The following ZNF407 variants were observed in gnomAD, a reference collection of about 807,000 sequenced individuals.
ZNF407 encodes the protein zinc finger protein 407.
In ZNF407, 17 loss-of-function variants were observed where a neutral mutation model predicts 131.2. The ratio of observed to expected loss-of-function variants is 0.13; its 90% confidence interval spans 0.09 to 0.19. The LOEUF is 0.19. ZNF407 is among the 10% of genes least tolerant of loss of function. The pLI is 1.00. For missense variants in ZNF407, 2,681 were observed against 2,830.6 expected (o/e 0.95, Z 1.20); for synonymous variants, 1,156 against 1,062.0 (o/e 1.09, Z -1.72).
At chr18:74,711,894 G>T (rs1396565562) in intron 3 of ZNF407, among the ~76,000 whole-genome samples, 1 of 151,958 alleles carries the variant, frequency 6.6e-6, no homozygotes, top group Admixed American at 6.6e-5. Context: ...TTTTTTTAGT[G>T]GAGAGGGATT....
rs1401362134 is a variant in ZNF407 at position 74,636,000 on chromosome 18, T to C, written c.4687+294T>C. On this transcript the variant is annotated intron_variant, in intron 2 of 8. Transcript: ENST00000299687. The surrounding 1 kb of genome is among the most constrained non-coding windows in gnomAD (Gnocchi z 4.7). ...CTGCTGTCTGTTGGCGGCTTTTCAG[T>C]TGTTTCTGAGTCCTAATTATTTGAT... 2.0e-5 allele frequency among the ~76,000 whole-genome samples: 3 copies of C among 152,196 alleles called. No homozygotes were observed. Among genetic ancestry groups the C allele is most frequent in the Non-Finnish European group, 4.4e-5 (3 of 68,028 alleles).
chr18:74,852,205 ACGCACGCGCACGCG>A (rs1568241584), intron 4 of ZNF407, among the ~76,000 whole-genome samples: 30 of 149,734 alleles, frequency 2.0e-4, no homozygotes, highest in Admixed American at 4.6e-4. Flanking sequence ...ACACGCACGC[ACGCACGCGCACGCG>A]CGCGCGCATT....
intron 3 of ZNF407, among the ~76,000 whole-genome samples, chr18:74,676,669 C>T (rs917855194): frequency 2.3e-4 from 35 of 151,798 alleles, no homozygotes; most frequent in East Asian, 3.9e-4. Context: ...CTCCTGACCT[C>T]GTGATCTGCC....
chr18:75,005,636 G>A (rs1235913400), intron 8 of ZNF407, among the ~76,000 whole-genome samples: 1 of 151,688 alleles, frequency 6.6e-6, no homozygotes, highest in Admixed American at 6.6e-5. Flanking sequence ...GCTACAGAAA[G>A]CAGAATTTGT....
intron 3 of ZNF407, among the ~76,000 whole-genome samples, chr18:74,741,071 A>G (rs967224540): frequency 5.3e-5 from 8 of 152,334 alleles, no homozygotes; most frequent in South Asian, 4.1e-4. Flanking sequence ...ATTGATGGTC[A>G]AGTGATGTCA....
At chr18:74,863,595 T>C (rs1970968391) in intron 4 of ZNF407, among the ~76,000 whole-genome samples, 9 of 152,214 alleles carry the variant, frequency 5.9e-5, no homozygotes, top group Admixed American at 5.9e-4. Context: ...CTAGATTTTA[T>C]GAAAGGAAAA....
rs2144659793 is a variant in ZNF407, at chr18:74,631,061, A to G, written c.42A>G (p.Glu14=). The change falls in exon 2 of 9, where the codon GAA becomes GAG. Residue 14 remains glutamate, a synonymous_variant. Transcript: ENST00000299687. ...SENKPENDED[E]KINKEAQDLT... ...ATAAACCCGAAAATGATGAGGATGA[A>G]AAGATAAACAAAGAAGCACAAGACT... is the stretch of plus-strand genomic sequence containing the variant. The G allele has an allele frequency of 1.2e-6, 2 of 1,612,022 alleles. No individual in the cohort carries two copies. Among genetic ancestry groups the G allele is most frequent in the South Asian group, 2.2e-5 (2 of 90,656 alleles).
chr18:74,707,707 C>T (rs958029077), intron 3 of ZNF407, among the ~76,000 whole-genome samples: 12 of 152,198 alleles, frequency 7.9e-5, no homozygotes, highest in African/African-American at 2.9e-4. Context: ...TAGTCTTATA[C>T]TTTAAGCACT....
intron 3 of ZNF407, among the ~76,000 whole-genome samples, chr18:74,661,850 G>A (rs935797594): frequency 2.0e-5 from 3 of 152,040 alleles, no homozygotes; most frequent in African/African-American, 7.2e-5. Flanking sequence ...AGAGTGCTGC[G>A]GCCATTTTGA....
At chr18:74,785,118 C>G (rs1354437675) in intron 4 of ZNF407, among the ~76,000 whole-genome samples, 1 of 152,134 alleles carries the variant, frequency 6.6e-6, no homozygotes, top group Non-Finnish European at 1.5e-5. Flanking sequence ...AAAGTATAAG[C>G]GTTAAATAAT....
intron 7 of ZNF407, among the ~76,000 whole-genome samples, chr18:74,892,882 C>G (rs1450068899): frequency 2.0e-5 from 3 of 152,036 alleles, no homozygotes; most frequent in Non-Finnish European, 4.4e-5. Flanking sequence ...TGTGCATGTT[C>G]CAGATTTTTT....
intron 4 of ZNF407, among the ~76,000 whole-genome samples, chr18:74,839,245 T>G (rs916931303): frequency 2.0e-5 from 3 of 152,216 alleles, no homozygotes; most frequent in African/African-American, 4.8e-5. Context: ...ATTATTAAAT[T>G]ACTTACTATT....
intron 1 of ZNF407, among the ~76,000 whole-genome samples, chr18:74,609,062 G>A (rs928981959): frequency 2.6e-5 from 4 of 152,012 alleles, no homozygotes; most frequent in African/African-American, 9.7e-5. Context: ...ATCTTGAGAA[G>A]GTTTGTTATT....
chr18:74,696,555 A>G (rs1967360721), intron 3 of ZNF407, among the ~76,000 whole-genome samples: 1 of 152,212 alleles, frequency 6.6e-6, no homozygotes, highest in African/African-American at 2.4e-5. Flanking sequence ...ATTGATCTTA[A>G]GATGCCTCCA....
Position 74,703,087 on chromosome 18 carries a change from A to C in ZNF407, c.4802+61965A>C, listed in dbSNP as rs985464731. On this transcript the variant is annotated intron_variant, in intron 3 of 8. Coordinates refer to ENST00000299687, the MANE Select transcript of ZNF407 (RefSeq NM_017757.3). This position sits in a 1 kb window ranked among gnomAD's most constrained non-coding sequence, Gnocchi z 4.1. Reference sequence around the variant, plus strand: ...GGTCTAGTGGTTGGAGAAACTCCTGATGGAGGTGGAGCAGTTGCAGGGCTA... The same window carrying C: ...GGTCTAGTGGTTGGAGAAACTCCTGCTGGAGGTGGAGCAGTTGCAGGGCTA... Among the ~76,000 whole-genome samples the C allele has an allele frequency of 2.6e-5, 4 of 152,218 alleles. No homozygotes were observed. The highest frequency in any genetic ancestry group is 7.2e-5 in the African/African-American group (3 of 41,458).
chr18:74,846,369 C>A (rs1970703184), intron 4 of ZNF407, among the ~76,000 whole-genome samples: 1 of 150,828 alleles, frequency 6.6e-6, no homozygotes, highest in Admixed American at 6.6e-5. Context: ...GAGACGGAAT[C>A]TGCTCTGTCA....
At chr18:74,817,689 A>G (rs575696271) in intron 4 of ZNF407, among the ~76,000 whole-genome samples, 3 of 152,268 alleles carry the variant, frequency 2.0e-5, no homozygotes, top group African/African-American at 7.2e-5. Flanking sequence ...TAAGGCTTGT[A>G]TATGTTCAAG....
chr18:74,612,285 A>G (rs1400444230), intron 1 of ZNF407, among the ~76,000 whole-genome samples: 1 of 152,196 alleles, frequency 6.6e-6, no homozygotes, highest in Non-Finnish European at 1.5e-5. Flanking sequence ...TAACTGTATA[A>G]GAAGGAAGGT....
intron 3 of ZNF407, 21 bp from the exon 4 acceptor site, chr18:74,781,407 T>C: frequency 6.7e-7 from 1 of 1,498,368 alleles, no homozygotes; most frequent in Non-Finnish European, 9.0e-7. Flanking sequence ...AGTTTTATAA[T>C]TACTTTTGTT....
Sources: allele counts gnomAD v4.1 joint callset (sites outside exome capture counted in the v4.1 genomes callset), GRCh38; gene constraint gnomAD v4.1.1; non-coding constraint Gnocchi (gnomAD v3.1); transcripts MANE v1.5; gene names NCBI Gene and HGNC (gene_info 2026-07-23, HGNC 2026-07-21).